Variants in ARB2A observed in about 807,000 individuals in gnomAD.
The protein encoded by ARB2A is cotranscriptional regulator ARB2A.
chr5:94,003,807 T>C, the ARB2A span, among the ~76,000 whole-genome samples: 1 of 152,152 alleles, frequency 6.6e-6, no homozygotes, highest in Non-Finnish European at 1.5e-5. Flanking sequence ...AAGCTCCTAT[T>C]GAAATCTCAG....
At chr5:93,830,313 A>ATGTGTGTGTATATATATATATGTG in the ARB2A span, among the ~76,000 whole-genome samples, 2 of 51,362 alleles carry the variant, frequency 3.9e-5, no homozygotes, top group East Asian at 1.1e-3. Flanking sequence ...GTGTGTGTGT[A>ATGTGTGTGTATATATATATATGTG]TATATATATA....
the ARB2A span, chr5:93,958,985 T>C: frequency 6.7e-7 from 1 of 1,500,590 alleles, no homozygotes; most frequent in Non-Finnish European, 9.0e-7. Context: ...TTAAATAAAA[T>C]TAAATAATAA....
chr5:93,766,332 A>G, the ARB2A span, among the ~76,000 whole-genome samples: 5 of 152,202 alleles, frequency 3.3e-5, no homozygotes, highest in African/African-American at 1.2e-4. Context: ...GAACTCCAAC[A>G]AATTTACAAG....
chr5:93,894,011 A>G, the ARB2A span, among the ~76,000 whole-genome samples: 1 of 152,194 alleles, frequency 6.6e-6, no homozygotes, highest in Non-Finnish European at 1.5e-5. Flanking sequence ...AGGGCAATGT[A>G]TAGACAAACA....
chr5:93,919,898 G>A, the ARB2A span, among the ~76,000 whole-genome samples: 11 of 152,198 alleles, frequency 7.2e-5, no homozygotes, highest in Admixed American at 6.5e-4. Context: ...TACAAGGCTT[G>A]TATTGAATGT....
At chr5:93,631,396 T>G in the ARB2A span, among the ~76,000 whole-genome samples, 1 of 152,230 alleles carries the variant, frequency 6.6e-6, no homozygotes, top group Non-Finnish European at 1.5e-5. Context: ...ACTCTCACTG[T>G]TGCCACAAGG....
At chr5:94,068,630 C>G in the ARB2A span, among the ~76,000 whole-genome samples, 1 of 152,094 alleles carries the variant, frequency 6.6e-6, no homozygotes, top group Non-Finnish European at 1.5e-5. Flanking sequence ...TTACCTCCTG[C>G]CTTTAGCCTA....
At chr5:93,983,844 T>A in the ARB2A span, among the ~76,000 whole-genome samples, 3 of 152,082 alleles carry the variant, frequency 2.0e-5, no homozygotes, top group South Asian at 4.1e-4. Context: ...AAAACACATA[T>A]AACATTCAAA....
the ARB2A span, chr5:93,958,756 A>C: frequency 2.0e-6 from 3 of 1,472,900 alleles, no homozygotes; most frequent in Non-Finnish European, 1.8e-6. Flanking sequence ...CAAAAAAAAA[A>C]ACCCAGGAAA....
At chr5:93,777,462 C>T in the ARB2A span, among the ~76,000 whole-genome samples, 15 of 152,048 alleles carry the variant, frequency 9.9e-5, no homozygotes, top group African/African-American at 2.7e-4. Flanking sequence ...TCCTTTTATA[C>T]ATTTTAAGTC....
the ARB2A span, among the ~76,000 whole-genome samples, chr5:93,844,021 G>A: frequency 1.3e-5 from 2 of 149,506 alleles, no homozygotes; most frequent in Non-Finnish European, 3.0e-5. Flanking sequence ...ACAAAGAGAA[G>A]ATACTACAAG....
the ARB2A span, among the ~76,000 whole-genome samples, chr5:93,987,030 A>T: frequency 2.0e-5 from 3 of 148,670 alleles, no homozygotes; most frequent in African/African-American, 7.9e-5. Context: ...AAAAAATTTA[A>T]AAAAAAAGAA....
chr5:93,716,074 T>C, the ARB2A span, among the ~76,000 whole-genome samples: 1 of 152,318 alleles, frequency 6.6e-6, no homozygotes, highest in Middle Eastern at 3.4e-3. Flanking sequence ...CTCTACTCTT[T>C]GAAGCTGGGC....
the ARB2A span, among the ~76,000 whole-genome samples, chr5:93,677,746 C>T: frequency 3.9e-5 from 6 of 152,302 alleles, no homozygotes; most frequent in South Asian, 2.1e-4. Context: ...GCTCTCCCTG[C>T]GCAAGCTCCC....
the ARB2A span, among the ~76,000 whole-genome samples, chr5:93,894,408 T>C: frequency 6.6e-6 from 1 of 150,762 alleles, no homozygotes; most frequent in Non-Finnish European, 1.5e-5. Flanking sequence ...TTTTTTAATA[T>C]TAAAAAAAAA....
At chr5:93,990,945 G>A in the ARB2A span, among the ~76,000 whole-genome samples, 3 of 152,122 alleles carry the variant, frequency 2.0e-5, no homozygotes, top group Non-Finnish European at 2.9e-5. Flanking sequence ...AAGAGTCAGA[G>A]TTCAGGGAAA....
chr5:94,101,199 A>G, the ARB2A span, among the ~76,000 whole-genome samples: 5 of 152,246 alleles, frequency 3.3e-5, no homozygotes, highest in African/African-American at 1.2e-4. Flanking sequence ...GCATATGAAA[A>G]AAAGCTCAAT....
At chr5:94,037,015 T>A in the ARB2A span, among the ~76,000 whole-genome samples, 1 of 152,192 alleles carries the variant, frequency 6.6e-6, no homozygotes, top group Non-Finnish European at 1.5e-5. Context: ...TACCTATCAA[T>A]TGCTAAAAGT....
At chr5:93,795,664 T>C in the ARB2A span, among the ~76,000 whole-genome samples, 2 of 152,174 alleles carry the variant, frequency 1.3e-5, no homozygotes, top group Non-Finnish European at 2.9e-5. Context: ...CTTATTCATG[T>C]ACTCAAGATC....
Sources: allele counts gnomAD v4.1 joint callset (sites outside exome capture counted in the v4.1 genomes callset), GRCh38; gene constraint gnomAD v4.1.1; transcripts MANE v1.5; gene names NCBI Gene and HGNC (gene_info 2026-07-23, HGNC 2026-07-21).